PFKFB3: variants seen among roughly 807,000 people sequenced by gnomAD.
PFKFB3 encodes 6-phosphofructo-2-kinase/fructose-2,6-bisphosphatase 3.
In PFKFB3, 33 loss-of-function variants were observed where a neutral mutation model predicts 68.0. The observed-to-expected ratio is 0.49, with a 90% CI of 0.37 to 0.65. PFKFB3 has a LOEUF of 0.65. Ranked by LOEUF, PFKFB3 falls within the 30% of genes least tolerant of loss-of-function variation. PFKFB3 has a pLI of 0.00. For missense variants in PFKFB3, 586 were observed against 712.2 expected, an observed-to-expected ratio of 0.82 and a Z score of 2.02; for synonymous variants, 315 against 288.2, an observed-to-expected ratio of 1.09 and a Z score of -0.94.
chr10:6,287,339 C>T, the PFKFB3 span, among the ~76,000 whole-genome samples: 1 of 152,116 alleles, frequency 6.6e-6, no homozygotes, highest in Admixed American at 6.6e-5. Context: ...ACCTGCCTGC[C>T]CGGGCCTCTC....
At chr10:6,159,381 C>T (rs982898846) in intron 1 of PFKFB3, among the ~76,000 whole-genome samples, 3 of 150,410 alleles carry the variant, frequency 2.0e-5, no homozygotes, top group South Asian at 2.1e-4. Flanking sequence ...GGTAACAGAG[C>T]GAGACTCTGT....
At chr10:6,157,856 GA>G (rs1190808854) in intron 1 of PFKFB3, among the ~76,000 whole-genome samples, 1 of 152,066 alleles carries the variant, frequency 6.6e-6, no homozygotes, top group Non-Finnish European at 1.5e-5. Flanking sequence ...CACATGGCCT[GA>G]CAGTAAATCC....
the PFKFB3 span, among the ~76,000 whole-genome samples, chr10:6,309,188 G>A: frequency 2.0e-5 from 3 of 152,186 alleles, no homozygotes; most frequent in African/African-American, 2.4e-5. Context: ...ACATTTATGC[G>A]ACAAACTAGA....
At chr10:6,271,549 C>G in the PFKFB3 span, among the ~76,000 whole-genome samples, 3 of 152,210 alleles carry the variant, frequency 2.0e-5, no homozygotes, top group African/African-American at 7.2e-5. Flanking sequence ...GCTGATGAAG[C>G]CCAGTGTTTG....
At chr10:6,147,363 G>A (rs923062981) in intron 1 of PFKFB3, among the ~76,000 whole-genome samples, 9 of 152,226 alleles carry the variant, frequency 5.9e-5, no homozygotes, top group Non-Finnish European at 1.3e-4. Flanking sequence ...CGGAGAAGGC[G>A]TCCATCCTCT....
At chr10:6,307,580 C>T in the PFKFB3 span, among the ~76,000 whole-genome samples, 45 of 147,908 alleles carry the variant, frequency 3.0e-4, no homozygotes, top group Middle Eastern at 0.021. Flanking sequence ...CTCCTTCTCT[C>T]CCTCCCCCAC....
At chr10:6,213,258 G>C (rs1445231831) in intron 1 of PFKFB3, among the ~76,000 whole-genome samples, 1 of 152,146 alleles carries the variant, frequency 6.6e-6, no homozygotes, top group African/African-American at 2.4e-5. Flanking sequence ...TGAATGCTGG[G>C]TGTGGTAGCT....
chr10:6,277,801 G>C, the PFKFB3 span: 3 of 405,530 alleles, frequency 7.4e-6, no homozygotes, highest in South Asian at 5.4e-5. Context: ...AAATTACCCA[G>C]TCTCAGGTAT....
the PFKFB3 span, among the ~76,000 whole-genome samples, chr10:6,279,613 G>A: frequency 6.6e-6 from 1 of 152,056 alleles, no homozygotes; most frequent in South Asian, 2.1e-4. Flanking sequence ...ATGTCTCTCC[G>A]TCTCTCCGGT....
intron 1 of PFKFB3, among the ~76,000 whole-genome samples, chr10:6,187,211 AT>A (rs67160901): frequency 6.6e-6 from 1 of 151,408 alleles, no homozygotes; most frequent in African/African-American, 2.4e-5. Flanking sequence ...AAAAAAAAAA[AT>A]TAGCTGGACA....
intron 1 of PFKFB3, among the ~76,000 whole-genome samples, chr10:6,158,431 C>T (rs962877577): frequency 2.6e-5 from 4 of 152,150 alleles, no homozygotes; most frequent in Admixed American, 6.6e-5. Flanking sequence ...TCTGTGTGCC[C>T]GGTAGAAATG....
In PFKFB3 at chr10:6,185,639, C is replaced by CT. The variant is rs59230234; in HGVS notation, c.17-27966dup. Among the ~76,000 whole-genome samples the CT allele has an allele frequency of 3.0e-3, 361 of 120,518 alleles. 14 individuals are homozygous for CT. The highest frequency in any genetic ancestry group is 4.8e-3 in the South Asian group (18 of 3,766). The allele number at this position is 120,518 out of a possible 152,430, so 79.1% of individuals were successfully genotyped here. On this transcript the variant is annotated intron_variant, in intron 1 of 14. Coordinates refer to the PFKFB3 transcript ENST00000379789. Reference sequence around the variant, plus strand: ...CCAGATCAGTACTTCCTCCCCGCTCCTTTTTTTTTTTTTTTTTTGAGATGG... The same window carrying CT: ...CCAGATCAGTACTTCCTCCCCGCTCCTTTTTTTTTTTTTTTTTTTGAGATGG...
chr10:6,267,439 G>A, the PFKFB3 span, among the ~76,000 whole-genome samples: 83,776 of 151,986 alleles, frequency 0.55, 23,961 homozygotes, highest in Non-Finnish European at 0.65. Flanking sequence ...AGGAGGTCAG[G>A]ATGAGGCTCC....
the PFKFB3 span, among the ~76,000 whole-genome samples, chr10:6,318,865 C>T: frequency 0.042 from 6,344 of 152,192 alleles, 443 homozygotes; most frequent in African/African-American, 0.14. Flanking sequence ...GTGGGACTTG[C>T]GAAGGTCTGG....
the PFKFB3 span, among the ~76,000 whole-genome samples, chr10:6,313,759 G>A: frequency 6.6e-6 from 1 of 152,172 alleles, no homozygotes; most frequent in Non-Finnish European, 1.5e-5. The surrounding 1 kb of genome is among the most constrained non-coding windows in gnomAD (Gnocchi z 4.2). Flanking sequence ...CACATAATGG[G>A]TGCTAAATCA....
downstream of PFKFB3, among the ~76,000 whole-genome samples, chr10:6,256,706 G>A (rs1250741058): frequency 1.3e-5 from 2 of 152,208 alleles, no homozygotes; most frequent in Non-Finnish European, 2.9e-5. Context: ...GAAACTTCAC[G>A]AAGGAACTAT....
chr10:6,301,198 C>T, the PFKFB3 span, among the ~76,000 whole-genome samples: 12 of 152,118 alleles, frequency 7.9e-5, no homozygotes, highest in Non-Finnish European at 8.8e-5. Flanking sequence ...TTCATTATCT[C>T]AATGGAATGG....
the PFKFB3 span, among the ~76,000 whole-genome samples, chr10:6,320,230 A>G: frequency 1.3e-5 from 2 of 152,084 alleles, no homozygotes; most frequent in Non-Finnish European, 2.9e-5. Flanking sequence ...TTAATGAAGA[A>G]TGCATCTTCT....
chr10:6,293,071 G>A, the PFKFB3 span: 1 of 390,906 alleles, frequency 2.6e-6, no homozygotes, highest in Non-Finnish European at 5.1e-6. Context: ...GAGACGTTCA[G>A]CTACATTTCC....
Sources: gnomAD v4.1 joint callset for allele counts (sites outside exome capture counted in the v4.1 genomes callset) on GRCh38, gnomAD v4.1.1 for gene constraint, Gnocchi (gnomAD v3.1) non-coding constraint, MANE v1.5 for transcripts, NCBI Gene and HGNC (gene_info 2026-07-23, HGNC 2026-07-21) for gene names.